Variants in TANC2 observed in about 807,000 individuals in gnomAD.
TANC2 encodes the protein protein TANC2.
TANC2 carries 26 observed loss-of-function variants against 210.5 expected under a neutral mutation model. The observed-to-expected ratio is 0.12, with a 90% CI of 0.09 to 0.17. TANC2 has a LOEUF of 0.17. TANC2 is among the 10% of genes least tolerant of loss of function. TANC2 has a pLI of 1.00. For synonymous variants in TANC2, 931 were observed against 967.1 expected, an observed-to-expected ratio of 0.96 and a Z score of 0.69; for missense variants, 2,129 against 2,608.9, an observed-to-expected ratio of 0.82 and a Z score of 4.01.
intron 6 of TANC2, among the ~76,000 whole-genome samples, chr17:63,195,127 T>C (rs561973082): frequency 6.6e-6 from 1 of 152,318 alleles, no homozygotes; most frequent in East Asian, 1.9e-4. Context: ...CAGGGTGCTG[T>C]CCTCAAGCCT....
intron 7 of TANC2, among the ~76,000 whole-genome samples, chr17:63,201,379 C>G (rs1471187629): frequency 6.6e-6 from 1 of 152,040 alleles, no homozygotes; most frequent in African/African-American, 2.4e-5. Flanking sequence ...TTGTGCAAAC[C>G]ATATATTAGT....
intron 5 of TANC2, among the ~76,000 whole-genome samples, chr17:63,193,068 T>C (rs1598576264): frequency 6.6e-6 from 1 of 152,290 alleles, no homozygotes; most frequent in East Asian, 1.9e-4. Context: ...GTGTTACTCA[T>C]TAATTTGAAG....
chr17:63,272,481 GT>G (rs1205092185), intron 9 of TANC2, among the ~76,000 whole-genome samples: 1 of 151,928 alleles, frequency 6.6e-6, no homozygotes, highest in African/African-American at 2.4e-5. Context: ...ATTTTTTCTG[GT>G]TTTGTAAAGA....
Position 63,424,904 on chromosome 17 carries a change from T to C in TANC2, c.*2949T>C, listed in dbSNP as rs368788475. 3.0e-4 allele frequency: 45 copies of C among 152,318 alleles called. 1 individual carries two copies. The East Asian group carries it at 6.2e-3, about 21-fold the overall frequency. The allele number at this position is 152,318 out of a possible 1,614,324, so 9.4% of individuals were successfully genotyped here. ...ATAAGCATCAAAAAGATTAAGAATT[T>C]TTTAATATGAAAAATATTTGCAGTG... On this transcript the variant is annotated 3_prime_UTR_variant, in exon 28 of 28. Transcript: ENST00000689528.
intron 1 of TANC2, among the ~76,000 whole-genome samples, chr17:63,007,660 A>G (rs901687734): frequency 3.9e-5 from 6 of 152,110 alleles, no homozygotes; most frequent in African/African-American, 1.2e-4. Context: ...AACATGAATT[A>G]TTACTTCTCT....
intron 3 of TANC2, among the ~76,000 whole-genome samples, chr17:63,096,941 G>A (rs2037408528): frequency 6.6e-6 from 1 of 151,354 alleles, no homozygotes; most frequent in South Asian, 2.1e-4. Context: ...TCTCATTTTG[G>A]CTTTGTTTTT....
At chr17:63,153,587 A>C (rs2039732387) in intron 5 of TANC2, 1 of 152,176 alleles carries the variant, frequency 6.6e-6, no homozygotes, top group African/African-American at 2.4e-5. Context: ...ACAAAATCTC[A>C]GATCATACTG....
intron 4 of TANC2, among the ~76,000 whole-genome samples, chr17:63,144,576 A>C (rs2039401550): frequency 6.6e-6 from 1 of 152,204 alleles, no homozygotes; most frequent in Admixed American, 6.5e-5. Flanking sequence ...TACACACAAC[A>C]GTTTTTATAT....
chr17:63,060,277 T>C (rs1005926946), intron 2 of TANC2, among the ~76,000 whole-genome samples: 1 of 152,230 alleles, frequency 6.6e-6, no homozygotes, highest in Admixed American at 6.5e-5. Flanking sequence ...GTACTGTACA[T>C]GTATTGTCAG....
At position 63,355,213 on chromosome 17, in the gene TANC2, A is replaced by G. The variant is rs61743014; in HGVS notation, c.2405A>G (p.Asn802Ser). The G allele has an allele frequency of 1.6e-4, 253 of 1,613,622 alleles. No individual in the cohort carries two copies. The highest frequency in any genetic ancestry group is 2.1e-4 in the Non-Finnish European group (246 of 1,179,796). ...GATGAGCATATCTTCCAGGCCATCAATGCTGGGAGCATTGAAGGCACACTA... is the reference window on the plus strand; with the variant it reads ...GATGAGCATATCTTCCAGGCCATCAGTGCTGGGAGCATTGAAGGCACACTA... Residue 802 changes from asparagine to serine, a missense_variant, in exon 14 of 28, where the codon AAT (asparagine) becomes AGT (serine). Coordinates refer to ENST00000689528, the Ensembl canonical transcript of TANC2.
At position 63,375,664 on chromosome 17, in the gene TANC2, T is replaced by C. The variant is rs145124213; in HGVS notation, c.2583-4054T>C. ...CTACAATAATTTTACTGTTAAGAGC[T>C]GGACAGAATTTTGAGATCTTGAGAG... On this transcript the variant is annotated intron_variant, in intron 14 of 27. Transcript: ENST00000689528. Among the ~76,000 whole-genome samples, 619 of 152,356 alleles carry C rather than the reference T, an allele frequency of 4.1e-3. 5 individuals are homozygous for C. Among genetic ancestry groups the C allele is most frequent in the African/African-American group, 0.014 (600 of 41,584 alleles).
chr17:63,341,376 C>T lies in TANC2; in HGVS notation c.1807+1044C>T, dbSNP rs539080119. Among the ~76,000 whole-genome samples the T allele has an allele frequency of 2.6e-5, 4 of 152,322 alleles. No individual in the cohort carries two copies. The East Asian group carries it at 7.7e-4, about 29-fold the overall frequency. Reference sequence around the variant, plus strand: ...AGTCAATCTCTAAAACCTGTTAATTCTGCCTTCGTCATGTTTCTCACACCC... The same window carrying T: ...AGTCAATCTCTAAAACCTGTTAATTTTGCCTTCGTCATGTTTCTCACACCC... On this transcript the variant is annotated intron_variant, in intron 12 of 27. Coordinates refer to ENST00000689528, the Ensembl canonical transcript of TANC2.
chr17:63,077,508 G>A (rs2036613563), intron 3 of TANC2, among the ~76,000 whole-genome samples: 1 of 152,164 alleles, frequency 6.6e-6, no homozygotes, highest in Non-Finnish European at 1.5e-5. Flanking sequence ...TGGGTTAGAA[G>A]CCTCCAGAAG....
chr17:63,119,519 G>A lies in TANC2; in HGVS notation c.322+20162G>A, dbSNP rs117544453. ...TCATTAATAACAAGATTTTGCTTCC[G>A]TCATCTATAACGGATCAAATAAATA... On this transcript the variant is annotated intron_variant, in intron 4 of 27. Transcript: ENST00000689528. Among the ~76,000 whole-genome samples the A allele has an allele frequency of 8.0e-3, 1,215 of 152,208 alleles. 11 individuals carry two copies. Among genetic ancestry groups the A allele is most frequent in the Middle Eastern group, 0.031 (9 of 294 alleles).
intron 5 of TANC2, among the ~76,000 whole-genome samples, chr17:63,187,497 C>G (rs968088449): frequency 3.3e-5 from 5 of 151,756 alleles, no homozygotes; most frequent in African/African-American, 1.2e-4. Context: ...ATTATTATAG[C>G]TAATAAAAGT....
chr17:63,037,116 A>G (rs975499485), intron 2 of TANC2, among the ~76,000 whole-genome samples: 1 of 152,168 alleles, frequency 6.6e-6, no homozygotes, highest in Non-Finnish European at 1.5e-5. Context: ...TTTTCTCGCA[A>G]AATATCTTAT....
At chr17:63,319,972 A>G (rs1827955088) in intron 11 of TANC2, among the ~76,000 whole-genome samples, 1 of 152,152 alleles carries the variant, frequency 6.6e-6, no homozygotes. Context: ...TTAGTTTACA[A>G]ATTATCTATT....
rs577843180 is a variant in TANC2 at position 63,057,940 on chromosome 17, G to A, written c.68-16003G>A. Among the ~76,000 whole-genome samples, 5 of 152,152 alleles carry A rather than the reference G, an allele frequency of 3.3e-5. No homozygotes were observed. In the East Asian group the frequency reaches 9.7e-4, roughly 29 times the overall value. ...GTAGAACAGTTTTGTATTCTTTTGG[G>A]TATATACCCAGTAGTGGAATTGCTG... On this transcript the variant is annotated intron_variant, in intron 2 of 27. Transcript: ENST00000689528.
intron 15 of TANC2, among the ~76,000 whole-genome samples, chr17:63,382,037 C>T (rs769122677): frequency 1.2e-4 from 19 of 152,184 alleles, no homozygotes; most frequent in Admixed American, 2.6e-4. Context: ...ACTTCTCTGC[C>T]TGTCATCTTT....
Sources: allele counts gnomAD v4.1 joint callset (sites outside exome capture counted in the v4.1 genomes callset), GRCh38; gene constraint gnomAD v4.1.1; transcripts MANE v1.5; gene names NCBI Gene and HGNC (gene_info 2026-07-23, HGNC 2026-07-21).